The following GAREM1 variants were observed in gnomAD, a reference collection of about 807,000 sequenced individuals.
GAREM1 encodes the protein GRB2-associated and regulator of MAPK protein 1.
In GAREM1, 26 loss-of-function variants were observed where a neutral mutation model predicts 71.3. The observed-to-expected ratio is 0.36, with a 90% CI of 0.27 to 0.51. The LOEUF (loss-of-function observed/expected upper bound fraction) is 0.51. Ranked by LOEUF, GAREM1 falls within the 20% of genes least tolerant of loss-of-function variation. GAREM1 has a pLI of 0.95. For missense variants in GAREM1, 1,026 were observed against 1,103.1 expected, an observed-to-expected ratio of 0.93 and a Z score of 0.99; for synonymous variants, 440 against 433.2, an observed-to-expected ratio of 1.02 and a Z score of -0.20.
intron 2 of GAREM1, among the ~76,000 whole-genome samples, chr18:32,382,691 T>C (rs758481601): frequency 2.0e-5 from 3 of 151,806 alleles, no homozygotes; most frequent in African/African-American, 7.3e-5. Flanking sequence ...AGATGACTGA[T>C]TGGAGGAGGA....
chr18:32,291,083 C>G (rs1264527003), intron 3 of GAREM1, among the ~76,000 whole-genome samples: 1 of 152,126 alleles, frequency 6.6e-6, no homozygotes, highest in Non-Finnish European at 1.5e-5. Flanking sequence ...TGGAACTCAT[C>G]TAAATGCTTA....
intron 3 of GAREM1, among the ~76,000 whole-genome samples, chr18:32,304,630 T>C (rs904903571): frequency 2.6e-5 from 4 of 152,246 alleles, no homozygotes; most frequent in Non-Finnish European, 5.9e-5. Flanking sequence ...GCCTCCTTAC[T>C]AGACACTTGC....
chr18:32,420,295 A>G (rs1300793823), intron 1 of GAREM1, among the ~76,000 whole-genome samples: 1 of 152,122 alleles, frequency 6.6e-6, no homozygotes, highest in Non-Finnish European at 1.5e-5. Flanking sequence ...AAGGGGAAAG[A>G]AGAAAGGGAA....
intron 2 of GAREM1, among the ~76,000 whole-genome samples, chr18:32,357,460 G>A (rs372626875): frequency 1.3e-5 from 2 of 152,244 alleles, no homozygotes; most frequent in African/African-American, 2.4e-5. Flanking sequence ...TCTCTGGACC[G>A]TGAGCTCTCC....
chr18:32,279,229 G>A (rs561138232), intron 4 of GAREM1, among the ~76,000 whole-genome samples: 1 of 152,296 alleles, frequency 6.6e-6, no homozygotes, highest in African/African-American at 2.4e-5. Flanking sequence ...CAATAGAACA[G>A]GGTCCCCAAC....
At chr18:32,330,517 TGATTAAAAAAA>T (rs996683417) in intron 2 of GAREM1, among the ~76,000 whole-genome samples, 18 of 151,994 alleles carry the variant, frequency 1.2e-4, no homozygotes, top group Non-Finnish European at 2.4e-4. Context: ...AAAATTGAAA[TGATTAAAAAAA>T]GAATAGATTT....
At chr18:32,327,068 A>C (rs2047481368) in intron 2 of GAREM1, among the ~76,000 whole-genome samples, 2 of 152,242 alleles carry the variant, frequency 1.3e-5, no homozygotes, top group African/African-American at 4.8e-5. Context: ...AAAAACAGGA[A>C]TCACTGGGAG....
intron 1 of GAREM1, among the ~76,000 whole-genome samples, chr18:32,399,259 C>T (rs1217731902): frequency 6.6e-6 from 1 of 152,130 alleles, no homozygotes; most frequent in Admixed American, 6.5e-5. Flanking sequence ...TGAAAACTGG[C>T]ACAAGACAGG....
chr18:32,300,204 T>C (rs1168322518), intron 3 of GAREM1, among the ~76,000 whole-genome samples: 1 of 152,314 alleles, frequency 6.6e-6, no homozygotes, highest in Middle Eastern at 3.4e-3. Flanking sequence ...AGAGAGTAGG[T>C]AGAAAATGCT....
chr18:32,311,266 T>TAC, intron 2 of GAREM1, among the ~76,000 whole-genome samples: 1 of 152,202 alleles, frequency 6.6e-6, no homozygotes, highest in Non-Finnish European at 1.5e-5. Context: ...TATAATATAA[T>TAC]ACTCCAGAAA....
At chr18:32,362,952 G>A (rs1295877019) in intron 2 of GAREM1, among the ~76,000 whole-genome samples, 2 of 152,174 alleles carry the variant, frequency 1.3e-5, no homozygotes, top group African/African-American at 4.8e-5. Context: ...TGGCAAATAT[G>A]TCAAGTATAT....
At chr18:32,338,815 A>G (rs1036485379) in intron 2 of GAREM1, among the ~76,000 whole-genome samples, 5 of 152,198 alleles carry the variant, frequency 3.3e-5, no homozygotes, top group Admixed American at 1.3e-4. Flanking sequence ...GTATACAGAT[A>G]TCTGGTCAAA....
intron 1 of GAREM1, among the ~76,000 whole-genome samples, chr18:32,408,250 TA>T (rs1161690737): frequency 1.3e-5 from 2 of 152,238 alleles, no homozygotes; most frequent in East Asian, 3.9e-4. Flanking sequence ...CTAAAATCAC[TA>T]AAAATATTGT....
chr18:32,334,007 G>T (rs2047564084), intron 2 of GAREM1, among the ~76,000 whole-genome samples: 1 of 152,164 alleles, frequency 6.6e-6, no homozygotes, highest in African/African-American at 2.4e-5. Flanking sequence ...ATGATTCAGG[G>T]CAGGATCTGT....
intron 1 of GAREM1, among the ~76,000 whole-genome samples, chr18:32,443,078 C>T (rs1246681246): frequency 6.6e-6 from 1 of 151,708 alleles, no homozygotes; most frequent in Admixed American, 6.6e-5. Flanking sequence ...AGAAACACAC[C>T]GAAGATAAAA....
intron 1 of GAREM1, among the ~76,000 whole-genome samples, chr18:32,435,514 T>C (rs2048667341): frequency 6.6e-6 from 1 of 152,172 alleles, no homozygotes; most frequent in Non-Finnish European, 1.5e-5. Flanking sequence ...ATCACATTTG[T>C]CTGCAGAACA....
At chr18:32,280,793 C>A (rs1021358930) in intron 4 of GAREM1, among the ~76,000 whole-genome samples, 1 of 152,196 alleles carries the variant, frequency 6.6e-6, no homozygotes. Flanking sequence ...AGCACACCCA[C>A]TTCTGGAATG....
intron 2 of GAREM1, among the ~76,000 whole-genome samples, chr18:32,386,523 A>C (rs540120112): frequency 1.3e-5 from 2 of 152,348 alleles, no homozygotes; most frequent in Admixed American, 1.3e-4. Context: ...CAGATTCACC[A>C]GATTTGCAGG....
At position 32,268,721 on chromosome 18, in the gene GAREM1, G is replaced by C; in HGVS notation, c.1781C>G (p.Ser594Cys). The C allele has an allele frequency of 2.5e-6, 4 of 1,614,118 alleles. No homozygotes were observed. The highest frequency in any genetic ancestry group is 3.4e-6 in the Non-Finnish European group (4 of 1,179,992). The change falls in exon 6 of 6, where the codon TCC becomes TGC. Residue 594 changes from serine to cysteine, a missense_variant. By Grantham distance (112) the Ser-to-Cys change is moderately radical (BLOSUM62 -1). Around this residue, in one of 3 missense-constraint regions of GAREM1, gnomAD observed 636 missense variants for 631.2 expected, o/e 1.01. Coordinates refer to ENST00000269209, the MANE Select transcript of GAREM1 (RefSeq NM_001242409.2). ...DTNPSESTPV[S>C]CYPCNRVKTD... The stretch of plus-strand genomic sequence containing the variant: ...TTTCACTCGGTTACATGGATAGCAG[G>C]AAACAGGAGTGCTTTCAGAAGGATT...
Sources: allele counts gnomAD v4.1 joint callset (sites outside exome capture counted in the v4.1 genomes callset), GRCh38; gene constraint gnomAD v4.1.1; regional missense constraint gnomAD v4.1.1; transcripts MANE v1.5; gene names NCBI Gene and HGNC (gene_info 2026-07-23, HGNC 2026-07-21).